SON: variants seen among roughly 807,000 people sequenced by gnomAD.
SON encodes SON DNA and RNA binding protein, also known as protein SON.
Under a neutral mutation model 173.3 loss-of-function variants are expected in SON, and 4 were observed. The ratio of observed to expected loss-of-function variants is 0.02; its 90% CI spans 0.01 to 0.05. The LOEUF (loss-of-function observed/expected upper bound fraction) is 0.05, where lower values mean the gene tolerates loss of function less well. SON is among the 10% of genes least tolerant of loss of function. The pLI is 1.00. For synonymous variants in SON, 1,190 were observed against 1,105.9 expected (o/e 1.08, Z -1.51); for missense variants, 2,626 against 3,055.3 (o/e 0.86, Z 3.31).
chr21:33,548,959 T>A (rs2085687684), intron 2 of SON, among the ~76,000 whole-genome samples: 1 of 152,250 alleles, frequency 6.6e-6, no homozygotes, highest in African/African-American at 2.4e-5. Context: ...ATAATTTATT[T>A]TTAACCCAGG....
At chr21:33,576,340 C>T (rs1159005627) in intron 11 of SON, 25 bp from the exon 12 acceptor site, 1 of 1,073,048 alleles carries the variant, frequency 9.3e-7, no homozygotes, top group Admixed American at 1.7e-5. Flanking sequence ...TGATGCTGTT[C>T]TTATTGTATG....
In SON at chr21:33,543,054, G is replaced by A. The variant is rs189306784; in HGVS notation, c.-39G>A. 373 of 1,595,680 alleles carry A rather than the reference G, an allele frequency of 2.3e-4. 1 individual carries two copies. In the African/African-American group the frequency reaches 4.5e-3, roughly 19 times the overall value. ...TCCCGAGGCATGCTGGGAGCCTGGA[G>A]GACTAGCGAGGAGGAGTTGAGAGAA... On this transcript the variant is annotated 5_prime_UTR_variant, in exon 1 of 12. Transcript: ENST00000356577.
chr21:33,552,973 G>A lies in SON; in HGVS notation c.3742G>A (p.Val1248Ile), dbSNP rs759141110. ...SVLVSEAAVT[V>I]PEPPPEPESS... ...TTTAGTATCAGAGGCTGCTGTGACT[G>A]TTCCAGAACCACCACCAGAGCCAGA... is the stretch of plus-strand genomic sequence containing the variant. The change falls in exon 3 of 12, where the codon GTT becomes ATT. Residue 1248 changes from valine (V) to isoleucine (I), a missense_variant. Physicochemically the swap from Val to Ile is conservative, Grantham distance 29. This residue lies in a region of SON where 1,006 missense variants were observed against 895.6 expected (regional missense o/e 1.12). Transcript: ENST00000356577. The surrounding 1 kb of genome is among the most constrained non-coding windows in gnomAD (Gnocchi z 5.6). The A allele has an allele frequency of 6.0e-5, 97 of 1,609,492 alleles. No homozygotes were observed. Among genetic ancestry groups the A allele is most frequent in the Non-Finnish European group, 7.9e-5 (93 of 1,175,616 alleles).
At chr21:33,544,015 G>A (rs1475689547) in intron 1 of SON, among the ~76,000 whole-genome samples, 2 of 152,192 alleles carry the variant, frequency 1.3e-5, no homozygotes, top group Admixed American at 1.3e-4. Flanking sequence ...CATGTTCAGC[G>A]GTTGTCTCTC....
chr21:33,561,412 T>C (rs2086068550), intron 6 of SON, among the ~76,000 whole-genome samples: 1 of 152,182 alleles, frequency 6.6e-6, no homozygotes. Context: ...TTTTAGTAAT[T>C]TCCTGCAGTT....
In SON at chr21:33,552,039, A is replaced by G. The variant is rs375540126; in HGVS notation, c.2808A>G (p.Arg936=). 1 of 1,614,068 alleles carries G rather than the reference A, an allele frequency of 6.2e-7. No homozygotes were observed. The change falls in exon 3 of 12, where the codon AGA becomes AGG. Residue 936 remains arginine, a synonymous_variant. Transcript: ENST00000356577. The surrounding 1 kb of genome is among the most constrained non-coding windows in gnomAD (Gnocchi z 5.6). ...DPYRLGHDPY[R]LGHDAYRLGQ... is the part of the protein sequence containing the mutation. Reference sequence around the variant, plus strand: ...ATAGGTTGGGCCATGACCCCTATAGATTAGGTCATGATGCTTACAGGTTAG... The same window carrying G: ...ATAGGTTGGGCCATGACCCCTATAGGTTAGGTCATGATGCTTACAGGTTAG...
rs13047599 is a variant in SON at position 33,553,954 on chromosome 21, C to T, written c.4723C>T (p.Arg1575Cys). The stretch of plus-strand genomic sequence containing the variant: ...TTTGCCCACCAGTGAGACTAAACAG[C>T]GCACAGTATTGGATACCTACCCTGG... ...KILPTSETKQ[R>C]TVLDTYPGVS... Residue 1575 changes from arginine to cysteine, a missense_variant, in exon 3 of 12, where the codon CGC becomes TGC. Around this residue, in one of 13 missense-constraint regions of SON, gnomAD observed 1,006 missense variants for 895.6 expected, o/e 1.12. Coordinates refer to ENST00000356577, the MANE Select transcript of SON (RefSeq NM_138927.4). 0.68 allele frequency: 1,103,770 copies of T among 1,613,556 alleles called. 378,461 individuals carry two copies. The highest frequency in any genetic ancestry group is 0.77 in the African/African-American group (57,508 of 74,942).
At chr21:33,570,490 T>C (rs778586624) in intron 8 of SON, among the ~76,000 whole-genome samples, 1 of 152,212 alleles carries the variant, frequency 6.6e-6, no homozygotes, top group Non-Finnish European at 1.5e-5. Context: ...CACAGTTAGA[T>C]TCATTAAGAA....
intron 2 of SON, among the ~76,000 whole-genome samples, chr21:33,549,186 C>T (rs966336832): frequency 1.8e-5 from 2 of 110,148 alleles, no homozygotes; most frequent in Non-Finnish European, 3.7e-5. Flanking sequence ...TCAAGTGATC[C>T]GCCTCAGCCT....
intron 8 of SON, chr21:33,571,653 A>G (rs1280573337): frequency 2.6e-5 from 4 of 152,630 alleles, no homozygotes; most frequent in African/African-American, 4.8e-5. Context: ...CACTGGGGTA[A>G]AGAAACAGAT....
rs529280959 is a variant in SON, at chr21:33,549,633, A to G, written c.402A>G (p.Glu134=). ...AAAAAAAATATAAAAGACAGCCAGA[A>G]GAATCTGAGTCAAAGACGAAATCTC... ...EKEKKYKRQP[E]ESESKTKSHD... The change falls in exon 3 of 12, where the codon GAA becomes GAG. Residue 134 remains glutamate, a synonymous_variant. Coordinates refer to ENST00000356577, the MANE Select transcript of SON (RefSeq NM_138927.4). The G allele has an allele frequency of 6.2e-7, 1 of 1,607,654 alleles. No individual in the cohort carries two copies. The highest frequency in any genetic ancestry group is 1.3e-5 in the African/African-American group (1 of 74,570).
chr21:33,575,836 T>C lies in SON; in HGVS notation c.7164T>C (p.Pro2388=), dbSNP rs2086386982. ...EICNKRRWQP[P]EFLLVHDSGP... Reference sequence around the variant, plus strand: ...GTAATAAAAGAAGGTGGCAACCACCTGAATTTCTATTGGTCCATGATAGTG... The same window carrying C: ...GTAATAAAAGAAGGTGGCAACCACCCGAATTTCTATTGGTCCATGATAGTG... Residue 2388 remains proline (P), a synonymous_variant, in exon 11 of 12, where the codon CCT becomes CCC. Transcript: ENST00000356577. 1.2e-6 allele frequency: 2 copies of C among 1,612,502 alleles called. No individual in the cohort carries two copies. Among genetic ancestry groups the C allele is most frequent in the African/African-American group, 2.7e-5 (2 of 74,914 alleles).
chr21:33,560,321 T>C, intron 6 of SON: 1 of 1,354,326 alleles, frequency 7.4e-7, no homozygotes, highest in Admixed American at 3.5e-5. Context: ...TTATTTTTCC[T>C]TCCCTTTGCT....
At position 33,568,998 on chromosome 21, in the gene SON, A is replaced by G. The variant is rs752144056; in HGVS notation, c.6796A>G (p.Ile2266Val). 1 of 1,611,584 alleles carries G rather than the reference A, an allele frequency of 6.2e-7. No individual in the cohort carries two copies. The highest frequency in any genetic ancestry group is 2.2e-5 in the East Asian group (1 of 44,860). Residue 2266 changes from isoleucine (I) to valine (V), a missense_variant, in exon 8 of 12, where the codon ATT becomes GTT. Transcript: ENST00000356577. ...TGATGCCTGGGCTCAGCTGAACTCT[A>G]TTCCTGGCCAGTTCACAGGAAGTAC... ...RIDAWAQLNSIPGQFTGSTGV... is the reference protein window; with the variant it reads ...RIDAWAQLNSVPGQFTGSTGV...
At chr21:33,565,323 G>C (rs2086146495) in intron 6 of SON, among the ~76,000 whole-genome samples, 1 of 152,138 alleles carries the variant, frequency 6.6e-6, no homozygotes, top group Non-Finnish European at 1.5e-5. Flanking sequence ...TTTTAGCCTT[G>C]TTAGAATAAA....
intron 6 of SON, among the ~76,000 whole-genome samples, chr21:33,562,038 A>G (rs957806080): frequency 2.0e-5 from 3 of 152,172 alleles, no homozygotes; most frequent in African/African-American, 4.8e-5. Context: ...CCAAAATACA[A>G]GGGCAAAGAG....
chr21:33,560,294 A>C (rs1378315909), intron 6 of SON: 1 of 1,403,810 alleles, frequency 7.1e-7, no homozygotes, highest in East Asian at 2.5e-5. Context: ...TGTTTGTCAG[A>C]TAGCCTTTAA....
In SON at chr21:33,575,648, T is replaced by C; in HGVS notation, c.7086T>C (p.Ala2362=). 1 of 1,613,362 alleles carries C rather than the reference T, an allele frequency of 6.2e-7. No homozygotes were observed. The highest frequency in any genetic ancestry group is 8.5e-7 in the Non-Finnish European group (1 of 1,179,608). The change falls in exon 10 of 12, where the codon GCT becomes GCC. Residue 2362 remains alanine, a synonymous_variant. Transcript: ENST00000356577. ...AAAAGAGGTCTGGGAACTTCTCTGC[T>C]GCAATGAAAGATCTGTCAGGTGAGA... ...RAQKRSGNFS[A]AMKDLSGKHP...
At chr21:33,568,420 C>G (rs1315470065) in intron 7 of SON, among the ~76,000 whole-genome samples, 1 of 152,078 alleles carries the variant, frequency 6.6e-6, no homozygotes, top group African/African-American at 2.4e-5. Context: ...CGCTTGAACT[C>G]GGGAGGAGGA....
Sources: allele counts gnomAD v4.1 joint callset (sites outside exome capture counted in the v4.1 genomes callset), GRCh38; gene constraint gnomAD v4.1.1; regional missense constraint gnomAD v4.1.1; non-coding constraint Gnocchi (gnomAD v3.1); transcripts MANE v1.5; gene names NCBI Gene and HGNC (gene_info 2026-07-23, HGNC 2026-07-21).